Variants in MYO7A observed in about 807,000 individuals in gnomAD.
MYO7A encodes the protein unconventional myosin-VIIa.
A neutral mutation model predicts 263.8 loss-of-function variants in MYO7A; 210 were observed. The observed-to-expected ratio is 0.80, with a 90% CI of 0.71 to 0.89. The LOEUF is 0.89. Among genes scored for constraint, MYO7A ranks in the 40% least tolerant of loss-of-function variants. The pLI is 0.00. For missense variants in MYO7A, 2,820 were observed against 2,968.3 expected (o/e 0.95, Z 1.16); for synonymous variants, 1,239 against 1,197.3 (o/e 1.03, Z -0.72).
chr11:77,187,555 A>G (rs1321955428), intron 27 of MYO7A, among the ~76,000 whole-genome samples: 1 of 152,170 alleles, frequency 6.6e-6, no homozygotes, highest in Non-Finnish European at 1.5e-5. Context: ...GCCCACGGTT[A>G]AGGTTACTGT....
Position 77,145,402 on chromosome 11 carries a change from A to T in MYO7A, c.133-2396A>T, listed in dbSNP as rs115495398. Among the ~76,000 whole-genome samples, 391 of 152,256 alleles carry T rather than the reference A, an allele frequency of 2.6e-3. 1 individual carries two copies. Among genetic ancestry groups the T allele is most frequent in the African/African-American group, 8.8e-3 (364 of 41,536 alleles). On this transcript the variant is annotated intron_variant, in intron 3 of 48. Transcript: ENST00000409709. ...CATGGAGGCTCAGGAGGGCAAATTG[A>T]TGTGCTCAGGGGTCCGGGGTCAGGC... is the stretch of plus-strand genomic sequence containing the variant.
rs114027019 is a variant in MYO7A, at chr11:77,177,820, T to C, written c.2282+177T>C. Among the ~76,000 whole-genome samples the C allele has an allele frequency of 0.019, 2,894 of 152,230 alleles. 82 individuals are homozygous for C. The highest frequency in any genetic ancestry group is 0.066 in the African/African-American group (2,756 of 41,526). ...TCATGTAAACACAGAGGAACATAGA[T>C]ACATGATTTACATGGACCCATTGTG... is the stretch of plus-strand genomic sequence containing the variant. On this transcript the variant is annotated intron_variant, in intron 19 of 48. Coordinates refer to ENST00000409709, the MANE Select transcript of MYO7A (RefSeq NM_000260.4).
Position 77,213,055 on chromosome 11 carries a change from C to T in MYO7A, c.6438+20C>T. 6.4e-7 allele frequency: 1 copy of T among 1,552,060 alleles called. No individual in the cohort carries two copies. Among genetic ancestry groups the T allele is most frequent in the Non-Finnish European group, 8.7e-7 (1 of 1,144,764 alleles). ...ACGAAGGTGAGCAGGGATAAGGCAG[C>T]AAGTGGGGGCGGGCTTCTCTGCCTG... On this transcript the variant is annotated intron_variant, in intron 47 of 48. Coordinates refer to ENST00000409709, the MANE Select transcript of MYO7A (RefSeq NM_000260.4).
At chr11:77,175,568 C>A in intron 18 of MYO7A, 104 bp downstream of exon 18, 1 of 1,082,492 alleles carries the variant, frequency 9.2e-7, no homozygotes, top group Non-Finnish European at 1.4e-6. Context: ...GCTTTGAGAT[C>A]CTTTCTGCCG....
chr11:77,131,718 C>T (rs1248411191), intron 2 of MYO7A, among the ~76,000 whole-genome samples: 6 of 152,322 alleles, frequency 3.9e-5, no homozygotes, highest in South Asian at 4.1e-4. Context: ...CCCCTCTGAA[C>T]GCTGACCCAC....
At chr11:77,186,346 C>T (rs543540160) in intron 27 of MYO7A, among the ~76,000 whole-genome samples, 49 of 152,312 alleles carry the variant, frequency 3.2e-4, no homozygotes, top group East Asian at 2.9e-3. Context: ...GCCTTGAAGC[C>T]AGCCATTGAC....
chr11:77,214,582 C>G (rs758001673), intron 48 of MYO7A, 25 bp from the exon 49 acceptor site: 1 of 1,517,954 alleles, frequency 6.6e-7, no homozygotes, highest in Non-Finnish European at 9.0e-7. Context: ...CGTGTGCTCG[C>G]TTATCTTCTC....
In MYO7A at chr11:77,156,798, G is replaced by A. The variant is rs782596006; in HGVS notation, c.592+17G>A. ...TTCTGGAAGGTAGGACCAGAGTTCC[G>A]AGGGTGGGACCAGGCAGTGGGGCGG... On this transcript the variant is annotated intron_variant, in intron 6 of 48. Transcript: ENST00000409709. 1.5e-5 allele frequency: 25 copies of A among 1,613,984 alleles called. No individual in the cohort carries two copies. Among genetic ancestry groups the A allele is most frequent in the African/African-American group, 2.7e-5 (2 of 75,044 alleles).
chr11:77,211,514 C>T (rs938164609), intron 45 of MYO7A, among the ~76,000 whole-genome samples, 177 bp downstream of exon 45: 3 of 152,204 alleles, frequency 2.0e-5, no homozygotes, highest in Non-Finnish European at 4.4e-5. Context: ...GTCCTCCATG[C>T]CAAGGACTCA....
In MYO7A at chr11:77,210,928, T is replaced by C; in HGVS notation, c.6052-224T>C. On this transcript the variant is annotated intron_variant, in intron 44 of 48. Coordinates refer to ENST00000409709, the MANE Select transcript of MYO7A (RefSeq NM_000260.4). ...GGACATGAGGTAACAGACATGGCCA[T>C]GCACTCCAACTGCCAACTGCTGAGT... 1.9e-5 allele frequency: 10 copies of C among 525,522 alleles called. No homozygotes were observed. In the South Asian group the frequency reaches 3.1e-4, roughly 16 times the overall value. 32.6% of individuals were successfully genotyped at this position (525,522 alleles called of 1,614,324 possible). A position where few individuals can be genotyped will look rare whatever the true frequency, so the allele number is the denominator to read the frequency against.
chr11:77,198,676 A>C, intron 34 of MYO7A, 55 bp downstream of exon 34: 36 of 1,607,668 alleles, frequency 2.2e-5, no homozygotes, highest in Non-Finnish European at 3.0e-5. Flanking sequence ...GAGGGGCTGG[A>C]GCTTCCCTGC....
chr11:77,202,746 G>T (rs560622386), intron 37 of MYO7A, among the ~76,000 whole-genome samples: 1 of 151,776 alleles, frequency 6.6e-6, no homozygotes, highest in Non-Finnish European at 1.5e-5. Context: ...TGGGGCGGGG[G>T]GTGGGGGGCA....
rs749327145 is a variant in MYO7A, at chr11:77,190,758, C to A, written c.3812C>A (p.Thr1271Asn). The A allele has an allele frequency of 4.4e-6, 7 of 1,600,146 alleles. No homozygotes were observed. The highest frequency in any genetic ancestry group is 1.7e-5 in the Admixed American group (1 of 58,262). ...ACATTCATGGATGGGACCACCAAGA[C>A]CCTGCTGACGGACTCGGCAACCACG... is the stretch of plus-strand genomic sequence containing the variant. Reference protein sequence around the residue: ...PVTFMDGTTKTLLTDSATTAK... With the variant: ...PVTFMDGTTKNLLTDSATTAK... The change falls in exon 30 of 49, where the codon ACC becomes AAC. Residue 1271 changes from threonine (T) to asparagine (N), a missense_variant. By Grantham distance (65) the Thr-to-Asn change is moderately conservative. Coordinates refer to ENST00000409709, the MANE Select transcript of MYO7A (RefSeq NM_000260.4).
intron 26 of MYO7A, among the ~76,000 whole-genome samples, chr11:77,183,425 G>A (rs1035521610): frequency 1.3e-5 from 2 of 152,230 alleles, no homozygotes; most frequent in African/African-American, 4.8e-5. Flanking sequence ...GGCCGGTAGC[G>A]GCACAGCTGA....
rs1278229371 is a variant in MYO7A, at chr11:77,162,336, C to G, written c.1554+6C>G. 1 of 1,551,020 alleles carries G rather than the reference C, an allele frequency of 6.4e-7. No individual in the cohort carries two copies. The highest frequency in any genetic ancestry group is 8.7e-7 in the Non-Finnish European group (1 of 1,146,916). ...AGGAGAGCAAGTTCCCCAAGGTGGG[C>G]CGGTCCTGCTGCCGCCTCCCAGGGT... On this transcript the variant is annotated splice_donor_region_variant and intron_variant, in intron 13 of 48. Transcript: ENST00000409709.
intron 16 of MYO7A, among the ~76,000 whole-genome samples, chr11:77,174,393 T>C (rs1954425401): frequency 6.6e-6 from 1 of 152,230 alleles, no homozygotes; most frequent in African/African-American, 2.4e-5. Flanking sequence ...AGCAAAGTCC[T>C]GCGCTTTCAG....
At chr11:77,147,185 T>C (rs990217622) in intron 3 of MYO7A, among the ~76,000 whole-genome samples, 1 of 151,938 alleles carries the variant, frequency 6.6e-6, no homozygotes. Context: ...GCCTGAGGAG[T>C]TGTTTTGCTG....
intron 2 of MYO7A, among the ~76,000 whole-genome samples, chr11:77,140,459 G>A (rs1221925308): frequency 1.3e-5 from 2 of 152,242 alleles, no homozygotes; most frequent in East Asian, 1.9e-4. Context: ...CACGTTTCTT[G>A]ACCTCTTTGA....
rs2135712153 is a variant in MYO7A, at chr11:77,203,050, G to A, written c.5169-10G>A. ...ATGGGGCGTTGCTGACGGTCCCTGT[G>A]CTGCGGCAGGCCCCCACCCAAGCAC... On this transcript the variant is annotated splice_polypyrimidine_tract_variant and intron_variant, in intron 37 of 48. Transcript: ENST00000409709. 1.3e-6 allele frequency: 2 copies of A among 1,547,524 alleles called. No individual in the cohort carries two copies. Among genetic ancestry groups the A allele is most frequent in the Middle Eastern group, 4.6e-4 (2 of 4,354 alleles).
Sources: allele counts gnomAD v4.1 joint callset (sites outside exome capture counted in the v4.1 genomes callset), GRCh38; gene constraint gnomAD v4.1.1; transcripts MANE v1.5; gene names NCBI Gene and HGNC (gene_info 2026-07-23, HGNC 2026-07-21).